Variants in INTS11 observed in about 807,000 individuals in gnomAD.
The protein encoded by INTS11 is CPSF3-like protein.
Under a neutral mutation model 78.6 loss-of-function variants are expected in INTS11, and 77 were observed. The ratio of observed to expected loss-of-function variants is 0.98; its 90% CI spans 0.81 to 1.18. The LOEUF is 1.18. Ranked by LOEUF, INTS11 falls within the 50% of genes most tolerant of loss-of-function variation. The pLI, the probability that INTS11 is intolerant of heterozygous loss-of-function variation, is 0.00. For missense variants in INTS11, 875 were observed against 825.9 expected, an observed-to-expected ratio of 1.06 and a Z score of -0.73; for synonymous variants, 441 against 326.9, an observed-to-expected ratio of 1.35 and a Z score of -3.77.
chr1:1,320,375 A>C (rs1299559231), intron 3 of INTS11, 81 bp downstream of exon 3: 23 of 1,386,914 alleles, frequency 1.7e-5, no homozygotes, highest in Non-Finnish European at 2.3e-5. Context: ...CCCCTTGCCA[A>C]ACGCTGCCGA....
rs772531277 is a variant in INTS11, at chr1:1,312,824, C to T, written c.1257G>A (p.Lys419=). 2.5e-6 allele frequency: 4 copies of T among 1,611,348 alleles called. No individual in the cohort carries two copies. The highest frequency in any genetic ancestry group is 2.5e-6 in the Non-Finnish European group (3 of 1,179,546). Residue 419 remains lysine, a synonymous_variant, in exon 12 of 17, where the codon AAG becomes AAA. Coordinates refer to ENST00000435064, the MANE Select transcript of INTS11 (RefSeq NM_017871.6). ...CGATCTTCTGCTTCAGGAACTCCAT[C>T]TTCTTGGCCTCGCCATGCACCAGCA... ...SVLLVHGEAK[K]MEFLKQKIEQ... is the part of the protein sequence containing the mutation.
intron 1 of INTS11, among the ~76,000 whole-genome samples, chr1:1,324,296 C>G (rs1179046968): frequency 1.3e-5 from 2 of 152,056 alleles, no homozygotes; most frequent in African/African-American, 2.4e-5. Flanking sequence ...GTCAAGGCAC[C>G]GACGAAAGCG....
At chr1:1,312,978 G>A in intron 11 of INTS11, 29 bp from the exon 12 acceptor site, 1 of 1,612,102 alleles carries the variant, frequency 6.2e-7, no homozygotes, top group Non-Finnish European at 8.5e-7. Context: ...GTGGACAGTG[G>A]TTACCACCAG....
intron 1 of INTS11, among the ~76,000 whole-genome samples, 154 bp downstream of exon 1, chr1:1,324,426 TC>T (rs1286211588): frequency 1.3e-5 from 2 of 152,070 alleles, no homozygotes; most frequent in African/African-American, 4.8e-5. Flanking sequence ...CTAGGCCGCC[TC>T]TCGGCTCCCA....
At chr1:1,315,074 C>G (rs1215627422) in intron 6 of INTS11, 112 bp from the exon 7 acceptor site, 36 of 1,376,608 alleles carry the variant, frequency 2.6e-5, no homozygotes, top group East Asian at 2.4e-5. Flanking sequence ...CTAGGTCACT[C>G]TGGCTGGAAA....
intron 6 of INTS11, 34 bp downstream of exon 6, chr1:1,315,370 C>G (rs1642515246): frequency 6.2e-7 from 1 of 1,612,720 alleles, no homozygotes; most frequent in Non-Finnish European, 8.5e-7. Flanking sequence ...TCCAGGGGGG[C>G]CCACGGGACA....
At position 1,314,165 on chromosome 1, in the gene INTS11, G is replaced by A; in HGVS notation, c.767+136C>T. The A allele has an allele frequency of 1.1e-6, 1 of 892,150 alleles. No individual in the cohort carries two copies. The highest frequency in any genetic ancestry group is 1.5e-5 in the South Asian group (1 of 68,910). The allele number at this position is 892,150 out of a possible 1,614,324, so 55.3% of individuals were successfully genotyped here. ...GTCACAGGCTTCCTGGGGTCACACA[G>A]CACACGAGCGGCCCCCCAGGACAGC... is the stretch of plus-strand genomic sequence containing the variant. On this transcript the variant is annotated intron_variant, in intron 8 of 16. Coordinates refer to ENST00000435064, the MANE Select transcript of INTS11 (RefSeq NM_017871.6). This position sits in a 1 kb window ranked among gnomAD's most constrained non-coding sequence, Gnocchi z 4.2.
rs1341916486 is a variant in INTS11, at chr1:1,312,304, C to T, written c.1529G>A (p.Arg510His). The T allele has an allele frequency of 7.1e-6, 11 of 1,550,400 alleles. No homozygotes were observed. The highest frequency in any genetic ancestry group is 1.4e-5 in the African/African-American group (1 of 73,096). The change falls in exon 15 of 17, where the codon CGC becomes CAC. Residue 510 changes from arginine to histidine, a missense_variant. Physicochemically the swap from Arg to His is conservative, Grantham distance 29. Transcript: ENST00000435064. ...ATGCAGGTGCACGCGGCAGGTGAAG[C>T]GCAGCTGGTGCTCAGCCAGACCCAG... ...KELGLAEHQL[R>H]FTCRVHLHDT...
chr1:1,324,613 T>C lies in INTS11; in HGVS notation c.-5A>G, dbSNP rs762601695. 3.1e-6 allele frequency: 5 copies of C among 1,598,540 alleles called. No individual in the cohort carries two copies. Among genetic ancestry groups the C allele is most frequent in the Non-Finnish European group, 3.4e-6 (4 of 1,174,476 alleles). On this transcript the variant is annotated 5_prime_UTR_variant, in exon 1 of 17. Coordinates refer to ENST00000435064, the MANE Select transcript of INTS11 (RefSeq NM_017871.6). Reference sequence around the variant, plus strand: ...CGTGACTCTGATCTCAGGCATCGTCTCCGCCGCGCTCCCGGACCCGCGAGG... The same window carrying C: ...CGTGACTCTGATCTCAGGCATCGTCCCCGCCGCGCTCCCGGACCCGCGAGG...
At chr1:1,323,828 G>C (rs1643114500) in intron 1 of INTS11, among the ~76,000 whole-genome samples, 1 of 117,244 alleles carries the variant, frequency 8.5e-6, no homozygotes, top group Non-Finnish European at 1.7e-5. Context: ...TGAGCACACA[G>C]AGTGGTGGAC....
chr1:1,313,380 C>T, intron 10 of INTS11, 129 bp downstream of exon 10: 5 of 1,108,438 alleles, frequency 4.5e-6, no homozygotes, highest in Non-Finnish European at 5.4e-6. Flanking sequence ...GCCCCCGTTC[C>T]CCAGCAGCAG....
At chr1:1,313,664 C>A (rs1194398005) in intron 9 of INTS11, 68 bp downstream of exon 9, 25 of 1,610,790 alleles carry the variant, frequency 1.6e-5, no homozygotes, top group Non-Finnish European at 1.9e-5. Flanking sequence ...GGCCCAAGCC[C>A]AGACACCTGC....
At chr1:1,320,269 AACAG>A (rs1179046498) in intron 3 of INTS11, 183 bp downstream of exon 3, 4 of 619,512 alleles carry the variant, frequency 6.5e-6, no homozygotes, top group East Asian at 2.8e-5. Flanking sequence ...GGGCCGGAAG[AACAG>A]ACAGAGACCA....
Position 1,320,442 on chromosome 1 carries a change from C to G in INTS11, c.200+14G>C, listed in dbSNP as rs1055817074. The G allele has an allele frequency of 6.2e-7, 1 of 1,613,420 alleles. No individual in the cohort carries two copies. Among genetic ancestry groups the G allele is most frequent in the East Asian group, 2.2e-5 (1 of 44,876 alleles). ...ACAGACATGGGACCCTCAAGGCCCC[C>G]AACAGGAACCCACCTAATGATCACA... On this transcript the variant is annotated intron_variant, in intron 3 of 16. Coordinates refer to ENST00000435064, the MANE Select transcript of INTS11 (RefSeq NM_017871.6).
intron 13 of INTS11, 39 bp from the exon 14 acceptor site, chr1:1,312,540 G>A (rs770981227): frequency 2.5e-5 from 40 of 1,578,096 alleles, no homozygotes; most frequent in African/African-American, 5.4e-5. Context: ...TGTGAGGGCC[G>A]CTCCCAGCCG....
At position 1,314,977 on chromosome 1, in the gene INTS11, T is replaced by TG. The variant is rs1642489094; in HGVS notation, c.564-16dup. 6.2e-7 allele frequency: 1 copy of TG among 1,607,392 alleles called. No homozygotes were observed. The highest frequency in any genetic ancestry group is 1.7e-5 in the Admixed American group (1 of 59,764). On this transcript the variant is annotated splice_polypyrimidine_tract_variant and intron_variant, in intron 6 of 16. Transcript: ENST00000435064. This position sits in a 1 kb window ranked among gnomAD's most constrained non-coding sequence, Gnocchi z 4.2. ...TCCAGGCAGCTCTGGAACACGGGGG[T>TG]GGGGGTGTGAGCCACGATGCACTGT...
At chr1:1,317,871 T>A (rs1642710609) in intron 4 of INTS11, 1 of 152,182 alleles carries the variant, frequency 6.6e-6, no homozygotes, top group South Asian at 2.1e-4. Context: ...TAAATTTTTT[T>A]TTTTTGAGCC....
At chr1:1,321,942 A>G (rs747366619) in intron 1 of INTS11, 4 of 1,093,488 alleles carry the variant, frequency 3.7e-6, no homozygotes, top group Non-Finnish European at 4.5e-6. Context: ...GTCCAAAGCC[A>G]GCACCACACA....
chr1:1,320,518 A>T lies in INTS11; in HGVS notation c.138T>A (p.Pro46=). 1 of 1,613,906 alleles carries T rather than the reference A, an allele frequency of 6.2e-7. No individual in the cohort carries two copies. Among genetic ancestry groups the T allele is most frequent in the Non-Finnish European group, 8.5e-7 (1 of 1,179,922 alleles). Residue 46 remains proline, a synonymous_variant, in exon 3 of 17, where the codon CCT becomes CCA. Coordinates refer to ENST00000435064, the MANE Select transcript of INTS11 (RefSeq NM_017871.6). ...HMGFNDDRRF[P]DFSYITQNGR... ...CGTTCTGGGTGATGTAGGAGAAGTC[A>T]GGGAAGCGTCGCTAGGAAGGATGTG...
Sources: gnomAD v4.1 joint callset for allele counts (sites outside exome capture counted in the v4.1 genomes callset) on GRCh38, gnomAD v4.1.1 for gene constraint, Gnocchi (gnomAD v3.1) non-coding constraint, MANE v1.5 for transcripts, NCBI Gene and HGNC (gene_info 2026-07-23, HGNC 2026-07-21) for gene names.